The following TBC1D31 variants were observed in gnomAD, a reference collection of about 807,000 sequenced individuals.
The protein encoded by TBC1D31 is WD repeat domain 67.
TBC1D31 carries 99 observed loss-of-function variants against 132.9 expected under a neutral mutation model. The ratio of observed to expected loss-of-function variants is 0.74; its 90% CI spans 0.63 to 0.88. The LOEUF (loss-of-function observed/expected upper bound fraction) is 0.88, where lower values mean the gene tolerates loss of function less well. TBC1D31 is among the 40% of genes least tolerant of loss of function. TBC1D31 has a pLI of 0.00. For missense variants in TBC1D31, 1,134 were observed against 1,256.6 expected, an observed-to-expected ratio of 0.90 and a Z score of 1.48; for synonymous variants, 385 against 419.4, an observed-to-expected ratio of 0.92 and a Z score of 1.00.
Position 123,120,158 on chromosome 8 carries a change from A to T in TBC1D31, c.1540A>T (p.Ile514Phe), listed in dbSNP as rs919102065. 1.2e-6 allele frequency: 2 copies of T among 1,608,186 alleles called. No homozygotes were observed. Among genetic ancestry groups the T allele is most frequent in the African/African-American group, 2.7e-5 (2 of 74,826 alleles). ...AAAATTATTCCAGAACAACCAACTC[A>T]TCTGTTTTGAAGTTATTGCTACTCT... ...FVKLFQNNQL[I>F]CFEVIATLII... Residue 514 changes from isoleucine (I) to phenylalanine (F), a missense_variant, in exon 11 of 22, where the codon ATC (isoleucine) becomes TTC (phenylalanine). By Grantham distance (21) the Ile-to-Phe change is conservative. Transcript: ENST00000287380.
intron 21 of TBC1D31, among the ~76,000 whole-genome samples, chr8:123,150,403 G>T (rs769438222): frequency 2.0e-5 from 3 of 152,198 alleles, no homozygotes; most frequent in Non-Finnish European, 2.9e-5. Context: ...ATAGTTGGAG[G>T]TTCTAACAGA....
chr8:123,134,136 T>C lies in TBC1D31; in HGVS notation c.2429T>C (p.Ile810Thr), dbSNP rs1820871487. ...GRKVYMRDRE[I>T]AATARDLEMR... ...TAGGTATATATGAGAGATCGAGAAA[T>C]TGCTGCCACAGCCAGAGACCTAGAA... Residue 810 changes from isoleucine to threonine, a missense_variant, in exon 17 of 22, where the codon ATT (isoleucine) becomes ACT (threonine). Physicochemically the swap from Ile to Thr is moderately conservative, Grantham distance 89. Coordinates refer to ENST00000287380, the MANE Select transcript of TBC1D31 (RefSeq NM_145647.4). The C allele has an allele frequency of 1.9e-6, 3 of 1,613,804 alleles. No individual in the cohort carries two copies. Among genetic ancestry groups the C allele is most frequent in the Non-Finnish European group, 8.5e-7 (1 of 1,179,898 alleles).
intron 16 of TBC1D31, among the ~76,000 whole-genome samples, chr8:123,131,386 A>T: frequency 1.4e-5 from 2 of 146,462 alleles, no homozygotes. Flanking sequence ...AAAAAAAAAA[A>T]GGTTAATTAC....
chr8:123,086,709 C>T (rs1416501964), intron 4 of TBC1D31, among the ~76,000 whole-genome samples: 1 of 151,792 alleles, frequency 6.6e-6, no homozygotes, highest in Non-Finnish European at 1.5e-5. Context: ...TTCCTTCTTC[C>T]TCCCTGTTCT....
At chr8:123,114,898 C>G (rs76170468) in intron 10 of TBC1D31, among the ~76,000 whole-genome samples, 145 of 152,300 alleles carry the variant, frequency 9.5e-4, no homozygotes, top group African/African-American at 3.3e-3. Context: ...TTTTTACTTT[C>G]AAGTCTATCA....
intron 20 of TBC1D31, among the ~76,000 whole-genome samples, chr8:123,149,590 C>T (rs565693588): frequency 6.6e-6 from 1 of 152,168 alleles, no homozygotes; most frequent in Admixed American, 6.5e-5. Flanking sequence ...GGGGAGGCAC[C>T]ACTAGTTGCT....
chr8:123,127,903 T>A (rs1820232838), intron 13 of TBC1D31: 1 of 160,156 alleles, frequency 6.2e-6, no homozygotes, highest in Non-Finnish European at 1.4e-5. Flanking sequence ...CAAAACAAGA[T>A]AATGTGGAAA....
intron 13 of TBC1D31, among the ~76,000 whole-genome samples, 195 bp downstream of exon 13, chr8:123,126,882 C>A (rs1035471974): frequency 6.6e-6 from 1 of 152,022 alleles, no homozygotes; most frequent in Admixed American, 6.6e-5. Context: ...GCTGGGATTA[C>A]AGGTGCGCAC....
At chr8:123,073,439 G>A (rs1814128793) in intron 1 of TBC1D31, 1 of 455,692 alleles carries the variant, frequency 2.2e-6, no homozygotes, top group Non-Finnish European at 4.4e-6. Context: ...CGTGTATGTA[G>A]GGGCTGGGGC....
At chr8:123,121,130 A>G (rs1009072017) in intron 11 of TBC1D31, among the ~76,000 whole-genome samples, 2 of 150,958 alleles carry the variant, frequency 1.3e-5, no homozygotes, top group Admixed American at 6.6e-5. Flanking sequence ...TAATTTTTGT[A>G]TTGTTTTAGT....
rs746369059 is a variant in TBC1D31, at chr8:123,126,659, T to TC, written c.1857dup (p.Ser620GlnfsTer3). The TC allele has an allele frequency of 6.2e-6, 10 of 1,612,210 alleles. No individual in the cohort carries two copies. The African/African-American group carries it at 1.1e-4, about 17-fold the overall frequency. On this transcript the variant is annotated frameshift_variant, in exon 13 of 22. Coordinates refer to ENST00000287380, the MANE Select transcript of TBC1D31 (RefSeq NM_145647.4). LOFTEE classifies it high-confidence loss of function. ...AACATATGTTCTAGAACGCCTCTGCTCAGCTGTAATCTTAAAGATGACTTT... is the reference window on the plus strand; with the variant it reads ...AACATATGTTCTAGAACGCCTCTGCTCCAGCTGTAATCTTAAAGATGACTTT...
intron 13 of TBC1D31, chr8:123,127,972 T>C (rs1009305532): frequency 2.0e-4 from 38 of 185,408 alleles, no homozygotes; most frequent in African/African-American, 8.9e-4. Context: ...ATTTATAATT[T>C]ATTTTGGATT....
chr8:123,100,827 A>G lies in TBC1D31; in HGVS notation c.852A>G (p.Gln284=). The part of the protein sequence containing the change: ...GSNQVLGVLS[Q]DGIMRFINMQ... ...CTTAGGTTCTTGGAGTACTAAGTCA[A>G]GATGGTATTATGAGATTTATCAATA... Residue 284 remains glutamine, a synonymous_variant, in exon 7 of 22, where the codon CAA becomes CAG. Coordinates refer to ENST00000287380, the MANE Select transcript of TBC1D31 (RefSeq NM_145647.4). The G allele has an allele frequency of 6.2e-7, 1 of 1,613,558 alleles. No homozygotes were observed. The highest frequency in any genetic ancestry group is 8.5e-7 in the Non-Finnish European group (1 of 1,179,578).
chr8:123,123,018 A>T (rs1316534561), intron 11 of TBC1D31: 1 of 152,294 alleles, frequency 6.6e-6, no homozygotes, highest in Non-Finnish European at 1.5e-5. Flanking sequence ...TTTCACGGCC[A>T]TTGCAGTACC....
chr8:123,092,808 ATTTTTT>A (rs71573666), intron 4 of TBC1D31, among the ~76,000 whole-genome samples: 1 of 103,558 alleles, frequency 9.7e-6, no homozygotes, highest in Non-Finnish European at 1.9e-5. Context: ...CACCCGGCTA[ATTTTTT>A]TTTTTTTTTT....
intron 3 of TBC1D31, chr8:123,083,035 T>C: frequency 2.0e-6 from 1 of 495,016 alleles, no homozygotes; most frequent in South Asian, 2.8e-5. Context: ...GATAATTTAC[T>C]AGAACAACTC....
chr8:123,103,328 A>G (rs2130424051), intron 7 of TBC1D31: 1 of 152,200 alleles, frequency 6.6e-6, no homozygotes, highest in East Asian at 1.9e-4. Flanking sequence ...TATGTGCTAT[A>G]TATTAATAAA....
the TBC1D31 span, among the ~76,000 whole-genome samples, chr8:123,157,320 G>A: frequency 6.6e-6 from 1 of 152,086 alleles, no homozygotes; most frequent in Non-Finnish European, 1.5e-5. Context: ...AAGGGTTTCC[G>A]GACGGATCAT....
At chr8:123,107,783 T>C (rs1206458808) in intron 8 of TBC1D31, among the ~76,000 whole-genome samples, 1 of 152,192 alleles carries the variant, frequency 6.6e-6, no homozygotes, top group African/African-American at 2.4e-5. Context: ...CATAGCCAGT[T>C]CTAAAAAGTA....
Sources: allele counts gnomAD v4.1 joint callset (sites outside exome capture counted in the v4.1 genomes callset), GRCh38; gene constraint gnomAD v4.1.1; transcripts MANE v1.5; gene names NCBI Gene and HGNC (gene_info 2026-07-23, HGNC 2026-07-21).